SNAP23: variants seen among roughly 807,000 people sequenced by gnomAD.
SNAP23 encodes the protein synaptosomal-associated protein 23.
A neutral mutation model predicts 29.0 loss-of-function variants in SNAP23; 11 were observed. The observed-to-expected ratio is 0.38, with a 90% CI of 0.24 to 0.63. The LOEUF (loss-of-function observed/expected upper bound fraction) is 0.63, where lower values mean the gene tolerates loss of function less well. Ranked by LOEUF, SNAP23 falls within the 20% of genes least tolerant of loss-of-function variation. The probability of loss-of-function intolerance (pLI) is 0.58; values close to 1 mark genes in which losing one functional copy is unlikely to be tolerated. For missense variants in SNAP23, 220 were observed against 253.9 expected, an observed-to-expected ratio of 0.87 and a Z score of 0.91; for synonymous variants, 60 against 82.9, an observed-to-expected ratio of 0.72 and a Z score of 1.50.
chr15:42,506,158 G>A (rs972278843), intron 1 of SNAP23, among the ~76,000 whole-genome samples: 17 of 150,876 alleles, frequency 1.1e-4, no homozygotes, highest in Non-Finnish European at 2.1e-4. Context: ...TTTGGCAATG[G>A]CTGGTCTTGA....
At chr15:42,530,823 G>C (rs1174614453) in intron 7 of SNAP23, among the ~76,000 whole-genome samples, 4 of 152,164 alleles carry the variant, frequency 2.6e-5, no homozygotes, top group Non-Finnish European at 5.9e-5. Context: ...TTTAAGCTTG[G>C]CTCTCTGTTA....
At chr15:42,529,605 G>A in intron 6 of SNAP23, 70 bp from the exon 7 acceptor site, 1 of 1,522,354 alleles carries the variant, frequency 6.6e-7, no homozygotes, top group Non-Finnish European at 8.9e-7. Context: ...ACTTACTTTT[G>A]TGAAAAGTAA....
intron 1 of SNAP23, 59 bp downstream of exon 1, chr15:42,495,772 C>G (rs2057214374): frequency 6.6e-6 from 1 of 152,484 alleles, no homozygotes; most frequent in Admixed American, 6.5e-5. Flanking sequence ...AGACTATGTC[C>G]TGAGAAGAAA....
At chr15:42,504,068 A>C (rs1377914832) in intron 1 of SNAP23, among the ~76,000 whole-genome samples, 1 of 151,962 alleles carries the variant, frequency 6.6e-6, no homozygotes, top group Non-Finnish European at 1.5e-5. Flanking sequence ...AGTGGCTCAT[A>C]CATGTAATCC....
At chr15:42,520,048 T>TTTA (rs1448603951) in intron 5 of SNAP23, among the ~76,000 whole-genome samples, 1 of 107,422 alleles carries the variant, frequency 9.3e-6, no homozygotes, top group Non-Finnish European at 2.2e-5. Context: ...CCCCTTGCTT[T>TTTA]TTTTTTTTTT....
At chr15:42,527,174 A>G (rs1247665123) in intron 5 of SNAP23, among the ~76,000 whole-genome samples, 11 of 152,066 alleles carry the variant, frequency 7.2e-5, no homozygotes, top group Non-Finnish European at 1.3e-4. Flanking sequence ...CTTAAATGAA[A>G]AACTCCTACA....
chr15:42,494,515 T>C (rs1202789304), upstream of SNAP23, among the ~76,000 whole-genome samples: 1 of 150,788 alleles, frequency 6.6e-6, no homozygotes, highest in Non-Finnish European at 1.5e-5. Context: ...TCTTTCTTTT[T>C]TTTTTTTTTT....
At chr15:42,498,510 C>A (rs951181551) in intron 1 of SNAP23, among the ~76,000 whole-genome samples, 1 of 152,194 alleles carries the variant, frequency 6.6e-6, no homozygotes, top group East Asian at 1.9e-4. Flanking sequence ...GGACTCAGGG[C>A]CCCAAGTTCT....
At chr15:42,493,728 A>G (rs1250263606), upstream of SNAP23, among the ~76,000 whole-genome samples, 6 of 152,084 alleles carry the variant, frequency 3.9e-5, no homozygotes, top group Non-Finnish European at 5.9e-5. Flanking sequence ...AACTTGTTGT[A>G]TTACTTTCTA....
intron 1 of SNAP23, among the ~76,000 whole-genome samples, chr15:42,503,164 GTGT>G (rs1411772558): frequency 6.6e-6 from 1 of 152,056 alleles, no homozygotes; most frequent in African/African-American, 2.4e-5. Flanking sequence ...TTGTGCTTCA[GTGT>G]ACTTTGAAAC....
rs942270747 is a variant in SNAP23 at position 42,496,054 on chromosome 15, C to T, written c.-15+341C>T. The T allele has an allele frequency of 2.6e-5, 4 of 152,250 alleles. No individual in the cohort carries two copies. The South Asian group carries it at 6.2e-4, about 24-fold the overall frequency. The allele number at this position is 152,250 out of a possible 1,614,324, so 9.4% of individuals were successfully genotyped here. A position where few individuals can be genotyped will look rare whatever the true frequency, so the allele number is the denominator to read the frequency against. On this transcript the variant is annotated intron_variant, in intron 1 of 7. Transcript: ENST00000249647. ...TGGTGACCACAGTGATCAGATAGCTCTGAGATAATGGCTTGAGGAAGGACT... is the reference window on the plus strand; with the variant it reads ...TGGTGACCACAGTGATCAGATAGCTTTGAGATAATGGCTTGAGGAAGGACT...
At chr15:42,520,045 CTTTTTTTTT>C (rs201577060) in intron 5 of SNAP23, among the ~76,000 whole-genome samples, 39 of 92,960 alleles carry the variant, frequency 4.2e-4, no homozygotes, top group South Asian at 8.3e-4. Context: ...AACCCCCTTG[CTTTTTTTTT>C]TTTTTTTTTT....
At position 42,525,448 on chromosome 15, in the gene SNAP23, CTTCTT is replaced by C. The variant is rs1308288916; in HGVS notation, c.267-2811_267-2807del. Among the ~76,000 whole-genome samples, 13 of 50,698 alleles carry C rather than the reference CTTCTT, an allele frequency of 2.6e-4. No homozygotes were observed. The East Asian group carries it at 7.5e-3, about 29-fold the overall frequency. The allele number at this position is 50,698 out of a possible 152,430, so 33.3% of individuals were successfully genotyped here. On this transcript the variant is annotated intron_variant, in intron 5 of 7. Transcript: ENST00000249647. ...GAAAGAACATCTTCAAAGATCCAGT[CTTCTT>C]TTTTTTTTTTTTTTTTTTTTTTTTT...
upstream of SNAP23, chr15:42,495,126 C>G (rs1247125761): frequency 2.6e-5 from 4 of 152,186 alleles, no homozygotes; most frequent in African/African-American, 9.6e-5. Flanking sequence ...TTCCCCAGAG[C>G]CTGGAAAACT....
chr15:42,531,221 G>T (rs2057561540), intron 7 of SNAP23, among the ~76,000 whole-genome samples, 192 bp from the exon 8 acceptor site: 1 of 152,100 alleles, frequency 6.6e-6, no homozygotes. Flanking sequence ...TTACACCTTT[G>T]TCATGTTTAT....
chr15:42,520,547 T>G (rs1156708865), intron 5 of SNAP23, among the ~76,000 whole-genome samples: 1 of 152,098 alleles, frequency 6.6e-6, no homozygotes, highest in Non-Finnish European at 1.5e-5. Flanking sequence ...CAGGCTGGAG[T>G]GCAGTGGCAC....
chr15:42,504,562 C>T (rs908052413), intron 1 of SNAP23, among the ~76,000 whole-genome samples: 1 of 152,066 alleles, frequency 6.6e-6, no homozygotes, highest in Non-Finnish European at 1.5e-5. Flanking sequence ...CTATTTATTT[C>T]CACTTCAGTA....
intron 5 of SNAP23, among the ~76,000 whole-genome samples, chr15:42,520,196 G>A (rs186978786): frequency 1.2e-4 from 18 of 151,552 alleles, no homozygotes; most frequent in Admixed American, 7.9e-4. Flanking sequence ...GATTACAGGC[G>A]TGCACCACCA....
intron 1 of SNAP23, among the ~76,000 whole-genome samples, chr15:42,503,869 A>G (rs1303714462): frequency 2.0e-5 from 3 of 152,168 alleles, no homozygotes; most frequent in Non-Finnish European, 4.4e-5. Flanking sequence ...TGAGTTATAG[A>G]CTTTGTATGG....
Sources: allele counts gnomAD v4.1 joint callset (sites outside exome capture counted in the v4.1 genomes callset), GRCh38; gene constraint gnomAD v4.1.1; transcripts MANE v1.5; gene names NCBI Gene and HGNC (gene_info 2026-07-23, HGNC 2026-07-21).